The following SCMH1 variants were observed in gnomAD, a reference collection of about 807,000 sequenced individuals.
The protein encoded by SCMH1 is polycomb protein SCMH1.
Under a neutral mutation model 70.8 loss-of-function variants are expected in SCMH1, and 37 were observed. The observed-to-expected ratio is 0.52, with a 90% CI of 0.40 to 0.69. The LOEUF is 0.69. Among genes scored for constraint, SCMH1 ranks in the 30% least tolerant of loss-of-function variants. The pLI, the probability that SCMH1 is intolerant of heterozygous loss-of-function variation, is 0.00. For missense variants in SCMH1, 607 were observed against 827.3 expected, an observed-to-expected ratio of 0.73 and a Z score of 3.27; for synonymous variants, 292 against 307.4, an observed-to-expected ratio of 0.95 and a Z score of 0.52.
chr1:41,070,783 G>T, intron 9 of SCMH1, 62 bp from the exon 10 acceptor site: 1 of 1,592,144 alleles, frequency 6.3e-7, no homozygotes, highest in South Asian at 1.1e-5. Flanking sequence ...CCCTATTCTT[G>T]GCACTTAATT....
intron 8 of SCMH1, among the ~76,000 whole-genome samples, chr1:41,084,266 A>G (rs1410254477): frequency 1.3e-5 from 2 of 152,230 alleles, no homozygotes. Flanking sequence ...CAATGAACTT[A>G]AACAAATTTA....
intron 1 of SCMH1, among the ~76,000 whole-genome samples, chr1:41,241,708 G>A (rs1663593340): frequency 6.6e-6 from 1 of 151,774 alleles, no homozygotes; most frequent in African/African-American, 2.4e-5. Flanking sequence ...CGACCTATAC[G>A]GACCGCCCCC....
intron 12 of SCMH1, among the ~76,000 whole-genome samples, chr1:41,041,111 A>G (rs1646104386): frequency 6.6e-6 from 1 of 152,084 alleles, no homozygotes; most frequent in East Asian, 1.9e-4. Context: ...TTTCCCCTTT[A>G]TGGGTGTGAA....
intron 10 of SCMH1, among the ~76,000 whole-genome samples, chr1:41,060,139 T>TC: frequency 1.3e-5 from 2 of 151,762 alleles, no homozygotes; most frequent in Non-Finnish European, 2.9e-5. Flanking sequence ...CTGAGAATTT[T>TC]CCCCAAATTA....
chr1:41,063,313 A>C (rs1653425970), intron 10 of SCMH1, among the ~76,000 whole-genome samples: 1 of 151,936 alleles, frequency 6.6e-6, no homozygotes, highest in Admixed American at 6.6e-5. Context: ...CTCAACTAAA[A>C]ATATAAAAAA....
At chr1:41,160,067 C>A in intron 4 of SCMH1, 1 of 227,910 alleles carries the variant, frequency 4.4e-6, no homozygotes, top group Non-Finnish European at 8.5e-6. Context: ...GTCTAGTGTT[C>A]TACTACTTCA....
chr1:41,095,634 G>A (rs1664864012), intron 8 of SCMH1, among the ~76,000 whole-genome samples: 1 of 152,130 alleles, frequency 6.6e-6, no homozygotes, highest in East Asian at 1.9e-4. Flanking sequence ...GCTATATTCT[G>A]GTCGATTTTA....
intron 1 of SCMH1, among the ~76,000 whole-genome samples, chr1:41,213,555 G>T (rs1657489404): frequency 6.6e-6 from 1 of 152,026 alleles, no homozygotes; most frequent in Non-Finnish European, 1.5e-5. Flanking sequence ...GTTCCTAGAG[G>T]AAAGGAGCCA....
chr1:41,169,487 C>T (rs905541254), intron 2 of SCMH1, among the ~76,000 whole-genome samples: 5 of 152,142 alleles, frequency 3.3e-5, no homozygotes, highest in Non-Finnish European at 5.9e-5. Flanking sequence ...CCCCATTGTT[C>T]TGTGATCTAG....
chr1:41,106,835 G>A (rs948605390), intron 8 of SCMH1, among the ~76,000 whole-genome samples: 12 of 151,684 alleles, frequency 7.9e-5, no homozygotes, highest in African/African-American at 2.7e-4. Flanking sequence ...GACTGCAGAC[G>A]TCAGCCACCA....
chr1:41,209,676 C>A (rs1656517508), intron 1 of SCMH1, among the ~76,000 whole-genome samples: 1 of 152,230 alleles, frequency 6.6e-6, no homozygotes, highest in African/African-American at 2.4e-5. Context: ...GCACTTCGTG[C>A]TAAAAACTCT....
intron 2 of SCMH1, among the ~76,000 whole-genome samples, chr1:41,173,772 C>A (rs1044559397): frequency 2.0e-5 from 3 of 152,090 alleles, no homozygotes; most frequent in Non-Finnish European, 4.4e-5. Flanking sequence ...CAATGGGATA[C>A]TATTTAGCTA....
chr1:41,115,243 T>C (rs1390593366), intron 7 of SCMH1, among the ~76,000 whole-genome samples: 1 of 152,232 alleles, frequency 6.6e-6, no homozygotes, highest in Non-Finnish European at 1.5e-5. Context: ...GCTTGATTTA[T>C]CAATTGTTAA....
intron 13 of SCMH1, 64 bp from the exon 14 acceptor site, chr1:41,034,112 A>T: frequency 6.4e-7 from 1 of 1,554,462 alleles, no homozygotes; most frequent in Admixed American, 2.0e-5. Context: ...TCTGCATATG[A>T]GGAAGACCTG....
chr1:41,149,746 G>C (rs1227609694), intron 5 of SCMH1, among the ~76,000 whole-genome samples: 1 of 152,200 alleles, frequency 6.6e-6, no homozygotes, highest in Non-Finnish European at 1.5e-5. Flanking sequence ...ACACCTTCCT[G>C]AGTATCATAC....
Position 41,216,637 on chromosome 1 carries a change from T to G in SCMH1, c.-118+25422A>C, listed in dbSNP as rs150278461. On this transcript the variant is annotated intron_variant, in intron 1 of 14. Transcript: ENST00000337495. ...GATCTCTTGAGATAAAGCCAAATCA[T>G]AAGCTGTTAACATAGCAAAAGTAAA... 1.6e-3 allele frequency among the ~76,000 whole-genome samples: 251 copies of G among 152,308 alleles called. 2 individuals are homozygous for G. The Middle Eastern group carries it at 0.02, about 12-fold the overall frequency.
At chr1:41,205,196 C>T (rs143902067) in intron 1 of SCMH1, among the ~76,000 whole-genome samples, 35 of 152,270 alleles carry the variant, frequency 2.3e-4, no homozygotes, top group Admixed American at 3.3e-4. Flanking sequence ...ACTGGTTGGA[C>T]AGTGGATACA....
At chr1:41,212,785 A>G (rs1657301029) in intron 1 of SCMH1, among the ~76,000 whole-genome samples, 1 of 152,234 alleles carries the variant, frequency 6.6e-6, no homozygotes, top group Non-Finnish European at 1.5e-5. Flanking sequence ...GTTTGCCACT[A>G]GGCACAAAAT....
chr1:41,154,112 A>G (rs1026430310), intron 4 of SCMH1, among the ~76,000 whole-genome samples: 4 of 152,164 alleles, frequency 2.6e-5, no homozygotes, highest in Non-Finnish European at 4.4e-5. Flanking sequence ...GCTGGATTTG[A>G]CCTCCCAATA....
Sources: allele counts gnomAD v4.1 joint callset (sites outside exome capture counted in the v4.1 genomes callset), GRCh38; gene constraint gnomAD v4.1.1; transcripts MANE v1.5; gene names NCBI Gene and HGNC (gene_info 2026-07-23, HGNC 2026-07-21).